Variants in RAB5A observed in about 807,000 individuals in gnomAD.
RAB5A encodes the protein RAB5A, member RAS oncogene family.
RAB5A carries 8 observed loss-of-function variants against 25.7 expected under a neutral mutation model. The ratio of observed to expected loss-of-function variants is 0.31; its 90% confidence interval spans 0.18 to 0.56. The LOEUF (loss-of-function observed/expected upper bound fraction) is 0.56, where lower values mean the gene tolerates loss of function less well. RAB5A is among the 20% of genes least tolerant of loss of function. RAB5A has a pLI of 0.91. For missense variants in RAB5A, 192 were observed against 259.7 expected (o/e 0.74, Z 1.79); for synonymous variants, 98 against 89.8 (o/e 1.09, Z -0.52).
At position 19,975,542 on chromosome 3, in the gene RAB5A, C is replaced by G. The variant is rs537255253; in HGVS notation, c.164-59C>G. The G allele has an allele frequency of 2.0e-6, 3 of 1,536,420 alleles. No individual in the cohort carries two copies. The South Asian group carries it at 3.6e-5, about 19-fold the overall frequency. ...ATAGATGTATACAAGCAGGTGTTTT[C>G]TATATTATGAAAACATTTGGAGAAA... On this transcript the variant is annotated intron_variant, in intron 2 of 5. Transcript: ENST00000273047.
chr3:19,963,048 A>G (rs1206089008), intron 2 of RAB5A, among the ~76,000 whole-genome samples: 2 of 152,154 alleles, frequency 1.3e-5, no homozygotes, highest in East Asian at 3.9e-4. Context: ...GCCTCAAGCC[A>G]TCCTCCTACC....
At chr3:19,966,792 GATTT>G (rs1252568727) in intron 2 of RAB5A, among the ~76,000 whole-genome samples, 7 of 151,946 alleles carry the variant, frequency 4.6e-5, no homozygotes, top group Non-Finnish European at 1.0e-4. Flanking sequence ...GTGCTTATTG[GATTT>G]ATTTATTTAT....
At chr3:19,960,518 C>T (rs994231126) in intron 2 of RAB5A, among the ~76,000 whole-genome samples, 3 of 152,126 alleles carry the variant, frequency 2.0e-5, no homozygotes, top group Admixed American at 2.0e-4. Context: ...CCAGGCTGGT[C>T]GCGAACTCCT....
At position 19,984,824 on chromosome 3, in the gene RAB5A, C is replaced by G. The variant is rs1697002305; in HGVS notation, c.*1001C>G. 6.5e-6 allele frequency: 1 copy of G among 152,946 alleles called. No individual in the cohort carries two copies. Among genetic ancestry groups the G allele is most frequent in the Non-Finnish European group, 1.5e-5 (1 of 68,348 alleles). The allele number at this position is 152,946 out of a possible 1,614,324, so 9.5% of individuals were successfully genotyped here. ...GTTACTAAAACAGCTAATTATTTCT[C>G]TCTCCCCCTTTGACAGGAAGGGGCT... On this transcript the variant is annotated 3_prime_UTR_variant, in exon 6 of 6. Transcript: ENST00000273047.
intron 2 of RAB5A, among the ~76,000 whole-genome samples, chr3:19,964,800 CAA>C (rs1696637722): frequency 6.6e-6 from 1 of 152,104 alleles, no homozygotes; most frequent in Admixed American, 6.5e-5. Context: ...TTAGTAGAGA[CAA>C]GGTTTCACCA....
intron 5 of RAB5A, among the ~76,000 whole-genome samples, chr3:19,981,394 A>G (rs1361755704): frequency 6.6e-6 from 1 of 152,098 alleles, no homozygotes; most frequent in Non-Finnish European, 1.5e-5. Context: ...CTATCACCTG[A>G]GGTCAGGAGT....
At chr3:19,983,564 A>G (rs1696974235) in intron 5 of RAB5A, 144 bp from the exon 6 acceptor site, 1 of 638,482 alleles carries the variant, frequency 1.6e-6, no homozygotes, top group African/African-American at 1.8e-5. Context: ...TTCAATACTC[A>G]GTAAACATTT....
intron 2 of RAB5A, 110 bp from the exon 3 acceptor site, chr3:19,975,491 C>A: frequency 9.8e-7 from 1 of 1,022,768 alleles, no homozygotes; most frequent in Non-Finnish European, 1.4e-6. Context: ...GTTGTACATA[C>A]TTACGGGGTA....
Position 19,952,370 on chromosome 3 carries a change from T to C in RAB5A, c.163+1309T>C, listed in dbSNP as rs541442386. Among the ~76,000 whole-genome samples the C allele has an allele frequency of 1.3e-4, 20 of 152,324 alleles. No homozygotes were observed. The East Asian group carries it at 3.7e-3, about 28-fold the overall frequency. On this transcript the variant is annotated intron_variant, in intron 2 of 5. Coordinates refer to ENST00000273047, the MANE Select transcript of RAB5A (RefSeq NM_004162.5). Reference sequence around the variant, plus strand: ...AATTAAGCAATGCTGTTTTCTAAGGTATTCATGTATATATTTTAACCCCAT... The same window carrying C: ...AATTAAGCAATGCTGTTTTCTAAGGCATTCATGTATATATTTTAACCCCAT...
intron 2 of RAB5A, among the ~76,000 whole-genome samples, chr3:19,964,339 A>G (rs1331774890): frequency 6.6e-6 from 1 of 152,050 alleles, no homozygotes; most frequent in African/African-American, 2.4e-5. Flanking sequence ...TTTGTTTGGT[A>G]GCCTTTATCT....
At chr3:19,961,405 A>G (rs1696582373) in intron 2 of RAB5A, among the ~76,000 whole-genome samples, 1 of 151,800 alleles carries the variant, frequency 6.6e-6, no homozygotes, top group African/African-American at 2.4e-5. Flanking sequence ...TCAGACTAGA[A>G]AATTTGGCTC....
At chr3:19,973,358 ACAGT>A (rs1157035389) in intron 2 of RAB5A, among the ~76,000 whole-genome samples, 25 of 150,250 alleles carry the variant, frequency 1.7e-4, no homozygotes, top group African/African-American at 6.1e-4. Flanking sequence ...GAAAAATGAA[ACAGT>A]CTGTGCACAT....
chr3:19,972,167 A>T (rs937068326), intron 2 of RAB5A, among the ~76,000 whole-genome samples: 1 of 152,156 alleles, frequency 6.6e-6, no homozygotes. Flanking sequence ...TTAATGCACA[A>T]AATTATTTTA....
At chr3:19,962,713 T>A (rs1696605238) in intron 2 of RAB5A, among the ~76,000 whole-genome samples, 1 of 152,242 alleles carries the variant, frequency 6.6e-6, no homozygotes, top group Non-Finnish European at 1.5e-5. Context: ...GTTGTATCTT[T>A]GGCTATAATA....
chr3:19,964,796 G>C (rs1373979327), intron 2 of RAB5A, among the ~76,000 whole-genome samples: 1 of 152,104 alleles, frequency 6.6e-6, no homozygotes, highest in Non-Finnish European at 1.5e-5. Context: ...AGTTTTAGTA[G>C]AGACAAGGTT....
chr3:19,984,367 CA>C lies in RAB5A; in HGVS notation c.*545del, dbSNP rs1388619303. 5 of 360,514 alleles carry C rather than the reference CA, an allele frequency of 1.4e-5. No individual in the cohort carries two copies. The highest frequency in any genetic ancestry group is 9.1e-5 in the East Asian group (1 of 10,958). 22.3% of individuals were successfully genotyped at this position (360,514 alleles called of 1,614,324 possible). On this transcript the variant is annotated 3_prime_UTR_variant, in exon 6 of 6. Coordinates refer to ENST00000273047, the MANE Select transcript of RAB5A (RefSeq NM_004162.5). ...GAAAATAATCCCACATATACAAGGT[CA>C]GGGGTGGGGAAGAGTATTAATGGTA...
At chr3:19,971,188 A>G (rs778464771) in intron 2 of RAB5A, among the ~76,000 whole-genome samples, 5 of 104,194 alleles carry the variant, frequency 4.8e-5, no homozygotes, top group Non-Finnish European at 9.6e-5. Context: ...CAAGAGCTAA[A>G]CTCCATCTCA....
chr3:19,957,751 G>A (rs1004863763), intron 2 of RAB5A, among the ~76,000 whole-genome samples: 3 of 149,864 alleles, frequency 2.0e-5, no homozygotes, highest in African/African-American at 4.9e-5. Context: ...AAAAAGGTAA[G>A]TAGGCGAGGT....
chr3:19,947,899 A>T (rs1475328463), intron 1 of RAB5A: 1 of 152,476 alleles, frequency 6.6e-6, no homozygotes, highest in Non-Finnish European at 1.5e-5. Context: ...AGGCCAAGGG[A>T]CCTGGCGAGT....
Sources: gnomAD v4.1 joint callset for allele counts (sites outside exome capture counted in the v4.1 genomes callset) on GRCh38, gnomAD v4.1.1 for gene constraint, MANE v1.5 for transcripts, NCBI Gene and HGNC (gene_info 2026-07-23, HGNC 2026-07-21) for gene names.